The following TBC1D5 variants were observed in gnomAD, a reference collection of about 807,000 sequenced individuals.
TBC1D5 encodes the protein TBC1 domain family member 5, also known as TBC1 domain family, member 5.
TBC1D5 carries 75 observed loss-of-function variants against 100.3 expected under a neutral mutation model. The ratio of observed to expected loss-of-function variants is 0.75; its 90% confidence interval spans 0.62 to 0.91. The LOEUF (loss-of-function observed/expected upper bound fraction) is 0.91. Among genes scored for constraint, TBC1D5 ranks in the 40% least tolerant of loss-of-function variants. The pLI, the probability that TBC1D5 is intolerant of heterozygous loss-of-function variation, is 0.00. For synonymous variants in TBC1D5, 323 were observed against 325.6 expected (o/e 0.99, Z 0.09); for missense variants, 910 against 942.4 (o/e 0.97, Z 0.45).
chr3:17,209,963 G>A (rs1190558632), intron 18 of TBC1D5, among the ~76,000 whole-genome samples: 1 of 151,970 alleles, frequency 6.6e-6, no homozygotes, highest in Non-Finnish European at 1.5e-5. Context: ...ATCATTCTGG[G>A]GATCTTTTTG....
intron 9 of TBC1D5, among the ~76,000 whole-genome samples, chr3:17,379,773 T>C (rs139094052): frequency 2.9e-3 from 436 of 152,072 alleles, no homozygotes; most frequent in African/African-American, 0.01. Context: ...AAATTATGAT[T>C]TAAATTAAAG....
intron 17 of TBC1D5, among the ~76,000 whole-genome samples, chr3:17,231,906 T>C (rs2075453427): frequency 6.6e-6 from 1 of 152,094 alleles, no homozygotes; most frequent in Non-Finnish European, 1.5e-5. Context: ...TGATTCTGAA[T>C]AGGGTATCTA....
intron 1 of TBC1D5, among the ~76,000 whole-genome samples, chr3:17,705,859 A>G (rs1316341488): frequency 6.6e-6 from 1 of 151,644 alleles, no homozygotes; most frequent in East Asian, 2.0e-4. Context: ...GGCCGGGCAG[A>G]GGCTGCAATC....
chr3:17,661,052 T>C (rs2066594818), intron 1 of TBC1D5, among the ~76,000 whole-genome samples: 1 of 152,234 alleles, frequency 6.6e-6, no homozygotes, highest in African/African-American at 2.4e-5. Flanking sequence ...GCTAGTTTAA[T>C]CTGATTGCAT....
chr3:17,728,458 G>A (rs940515985), intron 1 of TBC1D5, among the ~76,000 whole-genome samples: 1 of 152,028 alleles, frequency 6.6e-6, no homozygotes, highest in Non-Finnish European at 1.5e-5. Context: ...AGAATAATGA[G>A]GGAAGTCTGG....
chr3:17,364,389 T>C (rs956401945), intron 13 of TBC1D5, among the ~76,000 whole-genome samples: 1 of 152,192 alleles, frequency 6.6e-6, no homozygotes, highest in Non-Finnish European at 1.5e-5. Context: ...ATTTGAGATA[T>C]ATTAATGAAT....
chr3:17,718,675 G>A (rs1373425523), intron 1 of TBC1D5, among the ~76,000 whole-genome samples: 1 of 152,068 alleles, frequency 6.6e-6, no homozygotes, highest in Non-Finnish European at 1.5e-5. Flanking sequence ...TCACAATGCT[G>A]TACCATCATT....
rs35631452 is a variant in TBC1D5, at chr3:17,225,439, C to CAA, written c.1589-11071_1589-11070dup. On this transcript the variant is annotated intron_variant, in intron 17 of 21. Coordinates refer to ENST00000253692, the Ensembl canonical transcript of TBC1D5. ...GGGCGATAAGAGTGAGACTCGGTCT[C>CAA]AAAAAAAAAAAAAAAAACAAAAAAC... Among the ~76,000 whole-genome samples, 591 of 88,106 alleles carry CAA rather than the reference C, an allele frequency of 6.7e-3. 9 individuals are homozygous for CAA. Among genetic ancestry groups the CAA allele is most frequent in the Non-Finnish European group, 9.5e-3 (431 of 45,300 alleles). The allele number at this position is 88,106 out of a possible 152,430, so 57.8% of individuals were successfully genotyped here. A position where few individuals can be genotyped will look rare whatever the true frequency, so the allele number is the denominator to read the frequency against.
chr3:17,362,157 T>C (rs1028258876), intron 13 of TBC1D5, among the ~76,000 whole-genome samples: 3 of 152,132 alleles, frequency 2.0e-5, no homozygotes, highest in Non-Finnish European at 4.4e-5. Flanking sequence ...AAATAAATCA[T>C]AGACCTAAAT....
intron 1 of TBC1D5, among the ~76,000 whole-genome samples, chr3:17,734,898 C>A (rs925639087): frequency 6.7e-6 from 1 of 149,668 alleles, no homozygotes; most frequent in Non-Finnish European, 1.5e-5. Context: ...CCAGCCTGGG[C>A]AACATAGAGA....
At chr3:17,713,378 A>G (rs1396148877) in intron 1 of TBC1D5, among the ~76,000 whole-genome samples, 3 of 151,870 alleles carry the variant, frequency 2.0e-5, no homozygotes, top group Admixed American at 6.6e-5. Flanking sequence ...AGTAGCTGGG[A>G]CTACAGGTGC....
intron 2 of TBC1D5, among the ~76,000 whole-genome samples, chr3:17,538,683 A>G (rs768210853): frequency 1.3e-5 from 2 of 152,144 alleles, no homozygotes; most frequent in African/African-American, 2.4e-5. Flanking sequence ...AAGATTCACC[A>G]CTGCTAACAG....
At chr3:17,486,871 T>A (rs969786013) in intron 3 of TBC1D5, among the ~76,000 whole-genome samples, 1 of 152,228 alleles carries the variant, frequency 6.6e-6, no homozygotes, top group African/African-American at 2.4e-5. Context: ...CCCTAAAGGA[T>A]GAGAGCAAGT....
intron 3 of TBC1D5, among the ~76,000 whole-genome samples, chr3:17,466,213 AT>A (rs2095298637): frequency 6.6e-6 from 1 of 152,212 alleles, no homozygotes; most frequent in African/African-American, 2.4e-5. Flanking sequence ...ATAAGTCAGT[AT>A]TTTGGTATGT....
At chr3:17,729,169 T>G (rs1322686865) in intron 1 of TBC1D5, among the ~76,000 whole-genome samples, 7 of 151,932 alleles carry the variant, frequency 4.6e-5, no homozygotes, top group Non-Finnish European at 8.8e-5. Context: ...ATAGCAATGT[T>G]CTAAACAAAT....
In TBC1D5 at chr3:17,371,286, A is replaced by G. The variant is rs181308255; in HGVS notation, c.995+789T>C. Among the ~76,000 whole-genome samples the G allele has an allele frequency of 2.8e-4, 43 of 152,280 alleles. No homozygotes were observed. The South Asian group carries it at 3.7e-3, about 13-fold the overall frequency. ...ATGATATAATGGAAAGAACATGAAT[A>G]TTTTATTGTATTGTTAGGATTTGGG... On this transcript the variant is annotated intron_variant, in intron 13 of 21. Coordinates refer to ENST00000253692, the Ensembl canonical transcript of TBC1D5.
intron 1 of TBC1D5, among the ~76,000 whole-genome samples, chr3:17,711,920 A>G (rs1158908101): frequency 6.6e-6 from 1 of 152,266 alleles, no homozygotes; most frequent in African/African-American, 2.4e-5. Context: ...ATTTTACAAG[A>G]TAATGCCAAA....
chr3:17,367,984 ATAT>A (rs1278003877), intron 13 of TBC1D5, among the ~76,000 whole-genome samples: 2 of 144,646 alleles, frequency 1.4e-5, no homozygotes, highest in African/African-American at 5.0e-5. Context: ...CCTTTAGGAT[ATAT>A]TATTTTATAA....
chr3:17,298,710 C>T (rs1472725266), intron 14 of TBC1D5, among the ~76,000 whole-genome samples: 1 of 151,992 alleles, frequency 6.6e-6, no homozygotes, highest in Non-Finnish European at 1.5e-5. Flanking sequence ...AATAAATGTG[C>T]CATCAAGCCA....
Sources: allele counts gnomAD v4.1 joint callset (sites outside exome capture counted in the v4.1 genomes callset), GRCh38; gene constraint gnomAD v4.1.1; transcripts MANE v1.5; gene names NCBI Gene and HGNC (gene_info 2026-07-23, HGNC 2026-07-21).